The following PPP2R3A variants were observed in gnomAD, a reference collection of about 807,000 sequenced individuals.
PPP2R3A encodes protein phosphatase 2 regulatory subunit B''alpha, also known as serine/threonine-protein phosphatase 2A regulatory subunit B'' subunit alpha.
PPP2R3A carries 80 observed loss-of-function variants against 106.9 expected under a neutral mutation model. The ratio of observed to expected loss-of-function variants is 0.75; its 90% CI spans 0.62 to 0.90. The LOEUF (loss-of-function observed/expected upper bound fraction) is 0.90. PPP2R3A is among the 40% of genes least tolerant of loss of function. The pLI, the probability that PPP2R3A is intolerant of heterozygous loss-of-function variation, is 0.00. For synonymous variants in PPP2R3A, 483 were observed against 468.3 expected (o/e 1.03, Z -0.41); for missense variants, 1,386 against 1,350.4 (o/e 1.03, Z -0.41).
intron 13 of PPP2R3A, among the ~76,000 whole-genome samples, chr3:136,144,576 G>C (rs935807425): frequency 6.6e-6 from 1 of 151,724 alleles, no homozygotes; most frequent in Admixed American, 6.6e-5. Flanking sequence ...CAGGAGAATC[G>C]CCTGAACCTG....
At chr3:136,125,323 A>G (rs1022064976) in intron 13 of PPP2R3A, among the ~76,000 whole-genome samples, 1 of 152,188 alleles carries the variant, frequency 6.6e-6, no homozygotes, top group Non-Finnish European at 1.5e-5. Context: ...TCCATCTCAA[A>G]AAATAAAAAA....
At position 136,145,969 on chromosome 3, in the gene PPP2R3A, C is replaced by T. The variant is rs1939104545; in HGVS notation, c.*803C>T. 1 of 152,160 alleles carries T rather than the reference C, an allele frequency of 6.6e-6. No individual in the cohort carries two copies. The allele number at this position is 152,160 out of a possible 1,614,324, so 9.4% of individuals were successfully genotyped here. A position where few individuals can be genotyped will look rare whatever the true frequency, so the allele number is the denominator to read the frequency against. On this transcript the variant is annotated 3_prime_UTR_variant, in exon 14 of 14. Coordinates refer to ENST00000264977, the MANE Select transcript of PPP2R3A (RefSeq NM_002718.5). ...ATTTAATATCCAAATTAGTTGATAA[C>T]TGTTTTCACTTCCTATCAGAAGGCC...
At chr3:136,086,848 C>T (rs1369894581) in intron 8 of PPP2R3A, among the ~76,000 whole-genome samples, 1 of 152,128 alleles carries the variant, frequency 6.6e-6, no homozygotes, top group Non-Finnish European at 1.5e-5. Flanking sequence ...GCTGCTAAGT[C>T]CCTAATGACC....
intron 13 of PPP2R3A, among the ~76,000 whole-genome samples, chr3:136,137,889 C>CT (rs1425827273): frequency 6.6e-6 from 1 of 152,026 alleles, no homozygotes; most frequent in Non-Finnish European, 1.5e-5. Context: ...AACTAAGGCA[C>CT]TATAGGTAAA....
chr3:136,082,231 T>A, intron 7 of PPP2R3A, 34 bp from the exon 8 acceptor site: 5 of 1,531,374 alleles, frequency 3.3e-6, no homozygotes, highest in Non-Finnish European at 4.5e-6. Flanking sequence ...TGCTTTTTCA[T>A]AATGTTTAAA....
rs74803905 is a variant in PPP2R3A, at chr3:136,017,843, T to A, written c.1996-8989T>A. The stretch of plus-strand genomic sequence containing the variant: ...GTGCTATGTTTCTGTCATCCAGATT[T>A]TTATAGCTTTGCTGCCTGCATTATT... On this transcript the variant is annotated intron_variant, in intron 2 of 13. Coordinates refer to ENST00000264977, the MANE Select transcript of PPP2R3A (RefSeq NM_002718.5). Among the ~76,000 whole-genome samples the A allele has an allele frequency of 1.1e-4, 17 of 152,344 alleles. No individual in the cohort carries two copies. In the East Asian group the frequency reaches 3.1e-3, roughly 28 times the overall value.
At chr3:136,039,652 G>A (rs981077415) in intron 3 of PPP2R3A, among the ~76,000 whole-genome samples, 3 of 152,106 alleles carry the variant, frequency 2.0e-5, no homozygotes, top group Admixed American at 6.5e-5. Context: ...GGTACTGCTC[G>A]CTCACCTGCC....
intron 2 of PPP2R3A, among the ~76,000 whole-genome samples, chr3:136,012,583 A>G (rs1179441500): frequency 6.6e-6 from 1 of 151,834 alleles, no homozygotes; most frequent in African/African-American, 2.4e-5. Context: ...CCTTTCCCCC[A>G]CCAGTGTTTC....
At chr3:136,044,052 A>G (rs570354488) in intron 4 of PPP2R3A, among the ~76,000 whole-genome samples, 1 of 152,198 alleles carries the variant, frequency 6.6e-6, no homozygotes, top group Non-Finnish European at 1.5e-5. Flanking sequence ...TTTTATATAT[A>G]TAAGTAGTTC....
At position 136,002,504 on chromosome 3, in the gene PPP2R3A, G is replaced by A; in HGVS notation, c.1006G>A (p.Asp336Asn). The change falls in exon 2 of 14, where the codon GAT becomes AAT. Residue 336 changes from aspartate (D) to asparagine (N), a missense_variant. Asp to Asn is a conservative substitution (Grantham distance 23). Transcript: ENST00000264977. ...FGTEQPPKYE[D>N]VVQLSASDSG... ...CACTGAACAACCCCCTAAATATGAA[G>A]ATGTTGTCCAGCTCTCAGCTTCTGA... 1 of 1,614,094 alleles carries A rather than the reference G, an allele frequency of 6.2e-7. No individual in the cohort carries two copies. Among genetic ancestry groups the A allele is most frequent in the Non-Finnish European group, 8.5e-7 (1 of 1,179,980 alleles).
At chr3:136,140,239 T>C (rs1938803010) in intron 13 of PPP2R3A, among the ~76,000 whole-genome samples, 1 of 151,962 alleles carries the variant, frequency 6.6e-6, no homozygotes, top group African/African-American at 2.4e-5. Context: ...TTCTCCACGT[T>C]CTCAAGAATT....
At chr3:135,990,195 T>C (rs1933100968) in intron 1 of PPP2R3A, among the ~76,000 whole-genome samples, 1 of 152,186 alleles carries the variant, frequency 6.6e-6, no homozygotes, top group African/African-American at 2.4e-5. Flanking sequence ...GGGATTCTTA[T>C]CTTATCCCAA....
At chr3:136,104,353 C>G (rs1026639385) in intron 12 of PPP2R3A, among the ~76,000 whole-genome samples, 1 of 151,776 alleles carries the variant, frequency 6.6e-6, no homozygotes, top group Non-Finnish European at 1.5e-5. Context: ...GTTGCCCAGG[C>G]TGGAGTGCAA....
At chr3:136,140,462 A>AAAAAAAAAC (rs1559943261) in intron 13 of PPP2R3A, among the ~76,000 whole-genome samples, 3 of 145,640 alleles carry the variant, frequency 2.1e-5, no homozygotes, top group African/African-American at 8.3e-5. Context: ...AAAAAAAAAA[A>AAAAAAAAAC]AACCCGGGCT....
At chr3:136,023,723 CGTAAT>C (rs1409523532) in intron 2 of PPP2R3A, among the ~76,000 whole-genome samples, 1 of 151,866 alleles carries the variant, frequency 6.6e-6, no homozygotes, top group Non-Finnish European at 1.5e-5. Flanking sequence ...ATGTGTGTGT[CGTAAT>C]GTATGTAGAT....
At chr3:136,049,395 A>G (rs1413247321) in intron 5 of PPP2R3A, 34 bp downstream of exon 5, 13 of 1,498,996 alleles carry the variant, frequency 8.7e-6, no homozygotes, top group Admixed American at 3.6e-5. Context: ...ATGGGTTCTA[A>G]TTTTGGAGTT....
At chr3:135,995,436 T>G (rs924495953) in intron 1 of PPP2R3A, among the ~76,000 whole-genome samples, 4 of 151,016 alleles carry the variant, frequency 2.6e-5, no homozygotes, top group Non-Finnish European at 5.9e-5. Flanking sequence ...CTATGAGACT[T>G]ACGTTGACAG....
intron 1 of PPP2R3A, among the ~76,000 whole-genome samples, chr3:135,977,414 A>G (rs1937446892): frequency 6.6e-6 from 1 of 151,790 alleles, no homozygotes; most frequent in African/African-American, 2.4e-5. Context: ...ATGCAAACAT[A>G]CAGTCGTTAG....
chr3:136,055,936 A>G (rs1307779736), intron 5 of PPP2R3A, among the ~76,000 whole-genome samples: 5 of 152,208 alleles, frequency 3.3e-5, no homozygotes, highest in Admixed American at 2.6e-4. Context: ...TGTGGGGAGT[A>G]ACTTTACAGT....
Sources: gnomAD v4.1 joint callset for allele counts (sites outside exome capture counted in the v4.1 genomes callset) on GRCh38, gnomAD v4.1.1 for gene constraint, MANE v1.5 for transcripts, NCBI Gene and HGNC (gene_info 2026-07-23, HGNC 2026-07-21) for gene names.